Variants in MACROD2 observed in about 807,000 individuals in gnomAD.
MACROD2 encodes the protein mono-ADP ribosylhydrolase 2.
In MACROD2, 36 loss-of-function variants were observed where a neutral mutation model predicts 70.4. That is an observed-to-expected ratio of 0.51 (90% CI 0.39 to 0.68). MACROD2 has a LOEUF of 0.68. MACROD2 is among the 30% of genes least tolerant of loss of function. The probability of loss-of-function intolerance (pLI) is 0.00; values close to 1 mark genes in which losing one functional copy is unlikely to be tolerated. For missense variants in MACROD2, 496 were observed against 538.4 expected (o/e 0.92, Z 0.78); for synonymous variants, 172 against 178.8 (o/e 0.96, Z 0.30).
At chr20:14,263,732 G>T (rs560950642) in intron 3 of MACROD2, among the ~76,000 whole-genome samples, 1 of 152,138 alleles carries the variant, frequency 6.6e-6, no homozygotes, top group Non-Finnish European at 1.5e-5. Context: ...AGGCCAAGGT[G>T]AGTGGATCAG....
At chr20:15,058,973 A>G (rs1229777713) in intron 5 of MACROD2, among the ~76,000 whole-genome samples, 1 of 152,202 alleles carries the variant, frequency 6.6e-6, no homozygotes, top group African/African-American at 2.4e-5. Context: ...TGAACATTTG[A>G]TGACTGACTC....
At chr20:14,710,546 G>T (rs912806617) in intron 5 of MACROD2, among the ~76,000 whole-genome samples, 2 of 152,124 alleles carry the variant, frequency 1.3e-5, no homozygotes, top group African/African-American at 4.8e-5. Context: ...AATAAATACG[G>T]AATAGTAGCT....
chr20:15,400,758 C>T (rs186526085), intron 6 of MACROD2, among the ~76,000 whole-genome samples: 3 of 152,248 alleles, frequency 2.0e-5, no homozygotes, highest in African/African-American at 4.8e-5. Flanking sequence ...ACACATTTGC[C>T]TTTGGCATAT....
intron 6 of MACROD2, among the ~76,000 whole-genome samples, chr20:15,263,954 A>G (rs1228539897): frequency 6.6e-6 from 1 of 152,086 alleles, no homozygotes; most frequent in Non-Finnish European, 1.5e-5. Flanking sequence ...GTTTTTTCCA[A>G]ATATAAGATA....
chr20:14,063,679 G>T lies in MACROD2; in HGVS notation c.164-21942G>T, dbSNP rs1345293782. On this transcript the variant is annotated intron_variant, in intron 2 of 17. Coordinates refer to ENST00000684519, the MANE Select transcript of MACROD2 (RefSeq NM_001351661.2). The stretch of plus-strand genomic sequence containing the variant: ...TTAGGTTGCATCCCCAAGATTATGT[G>T]TATGCAAATATTTCAAAATCTGAAA... 2.6e-5 allele frequency among the ~76,000 whole-genome samples: 4 copies of T among 152,178 alleles called. No individual in the cohort carries two copies. In the East Asian group the frequency reaches 7.7e-4, roughly 29 times the overall value.
chr20:14,671,468 G>C (rs1034553866), intron 4 of MACROD2, among the ~76,000 whole-genome samples: 1 of 152,068 alleles, frequency 6.6e-6, no homozygotes, highest in African/African-American at 2.4e-5. Flanking sequence ...TTCAGAAAGA[G>C]GAATGAAAGT....
intron 2 of MACROD2, among the ~76,000 whole-genome samples, chr20:14,046,942 CTG>C (rs1052036168): frequency 1.3e-5 from 2 of 151,968 alleles, no homozygotes; most frequent in Non-Finnish European, 2.9e-5. Flanking sequence ...GGTAAATAAA[CTG>C]TGGTATATCT....
chr20:15,178,938 A>AG (rs2076481150), intron 5 of MACROD2, among the ~76,000 whole-genome samples: 1 of 152,216 alleles, frequency 6.6e-6, no homozygotes, highest in Admixed American at 6.5e-5. Context: ...ATGGAAGAGA[A>AG]GACAGGACTA....
At chr20:15,361,901 G>A (rs2078355739) in intron 6 of MACROD2, among the ~76,000 whole-genome samples, 1 of 151,528 alleles carries the variant, frequency 6.6e-6, no homozygotes, top group South Asian at 2.1e-4. Context: ...TGTTACTCTT[G>A]TATCTTGTGA....
intron 5 of MACROD2, among the ~76,000 whole-genome samples, chr20:14,861,181 A>G (rs1321891305): frequency 6.6e-6 from 1 of 152,134 alleles, no homozygotes; most frequent in East Asian, 1.9e-4. Context: ...TGAGCCACTC[A>G]AAGACTAGCA....
chr20:15,999,037 C>T (rs1056793372), intron 15 of MACROD2, among the ~76,000 whole-genome samples: 5 of 151,848 alleles, frequency 3.3e-5, no homozygotes, highest in Non-Finnish European at 7.4e-5. Context: ...TTTTTTTCTT[C>T]TACTAATTTG....
At chr20:16,003,492 C>T (rs1012029146) in intron 15 of MACROD2, among the ~76,000 whole-genome samples, 2 of 152,104 alleles carry the variant, frequency 1.3e-5, no homozygotes, top group African/African-American at 2.4e-5. Flanking sequence ...CAACAGGCTG[C>T]GTAACACTGC....
At position 15,910,498 on chromosome 20, in the gene MACROD2, T is replaced by C. The variant is rs1250445209; in HGVS notation, c.776-22778T>C. ...TAGATGAGGACGTAGGACCACTAGA[T>C]TCAAAAGTGGAGGATGTAAAAGAAT... On this transcript the variant is annotated intron_variant, in intron 10 of 17. Transcript: ENST00000684519. Among the ~76,000 whole-genome samples the C allele has an allele frequency of 7.2e-5, 11 of 151,974 alleles. No homozygotes were observed. In the South Asian group the frequency reaches 1.9e-3, roughly 26 times the overall value.
chr20:15,031,073 C>T (rs1359975150), intron 5 of MACROD2, among the ~76,000 whole-genome samples: 1 of 152,216 alleles, frequency 6.6e-6, no homozygotes, highest in East Asian at 1.9e-4. Context: ...GGCCACTGTG[C>T]ACAGCCAGGC....
chr20:15,466,766 CTG>C (rs1245653382), intron 7 of MACROD2, among the ~76,000 whole-genome samples: 4 of 152,222 alleles, frequency 2.6e-5, no homozygotes, highest in African/African-American at 9.7e-5. Context: ...AGTTGCTACT[CTG>C]TAAGCAGCCC....
At chr20:15,697,314 A>G (rs200259374) in intron 8 of MACROD2, among the ~76,000 whole-genome samples, 1 of 152,272 alleles carries the variant, frequency 6.6e-6, no homozygotes, top group East Asian at 1.9e-4. Context: ...TTTTGACCCA[A>G]TGCTCATTTA....
chr20:15,221,089 C>T (rs1368002644), intron 5 of MACROD2, among the ~76,000 whole-genome samples: 1 of 152,192 alleles, frequency 6.6e-6, no homozygotes, highest in East Asian at 1.9e-4. Flanking sequence ...GTAGAATTAC[C>T]CTTGCAGTGG....
chr20:16,045,389 T>C (rs1048611714), intron 17 of MACROD2, among the ~76,000 whole-genome samples: 1 of 152,090 alleles, frequency 6.6e-6, no homozygotes, highest in Non-Finnish European at 1.5e-5. Flanking sequence ...AGCCAATACA[T>C]CAAGAGACAA....
Position 14,548,673 on chromosome 20 carries a change from C to A in MACROD2, c.301+55165C>A, listed in dbSNP as rs1439105247. On this transcript the variant is annotated intron_variant, in intron 4 of 17. Coordinates refer to ENST00000684519, the MANE Select transcript of MACROD2 (RefSeq NM_001351661.2). ...GCGGAGCTTGCAGTGAGCCGAGATCCCGCCACTGCACTCCAGCCTGGGCGA... is the reference window on the plus strand; with the variant it reads ...GCGGAGCTTGCAGTGAGCCGAGATCACGCCACTGCACTCCAGCCTGGGCGA... Among the ~76,000 whole-genome samples the A allele has an allele frequency of 1.4e-4, 2 of 14,160 alleles. 1 individual carries two copies. Among genetic ancestry groups the A allele is most frequent in the Non-Finnish European group, 3.9e-4 (2 of 5,156 alleles). 9.3% of individuals were successfully genotyped at this position (14,160 alleles called of 152,430 possible).
Sources: gnomAD v4.1 joint callset for allele counts (sites outside exome capture counted in the v4.1 genomes callset) on GRCh38, gnomAD v4.1.1 for gene constraint, MANE v1.5 for transcripts, NCBI Gene and HGNC (gene_info 2026-07-23, HGNC 2026-07-21) for gene names.